Variants in SNRPA1 observed in about 807,000 individuals in gnomAD.
The protein encoded by SNRPA1 is small nuclear ribonucleoprotein polypeptide A'.
Under a neutral mutation model 32.3 loss-of-function variants are expected in SNRPA1, and 5 were observed. That is an observed-to-expected ratio of 0.15 (90% confidence interval 0.08 to 0.33). SNRPA1 has a LOEUF of 0.33. Among genes scored for constraint, SNRPA1 ranks in the 10% least tolerant of loss-of-function variants. SNRPA1 has a pLI of 1.00. For synonymous variants in SNRPA1, 111 were observed against 120.1 expected, an observed-to-expected ratio of 0.92 and a Z score of 0.50; for missense variants, 198 against 311.1, an observed-to-expected ratio of 0.64 and a Z score of 2.74.
intron 1 of SNRPA1, among the ~76,000 whole-genome samples, chr15:101,294,553 T>C (rs1236524413): frequency 6.6e-6 from 1 of 152,130 alleles, no homozygotes; most frequent in Non-Finnish European, 1.5e-5. Context: ...GGTGACACAG[T>C]TCAATTTTTA....
At chr15:101,290,039 T>C (rs8037809) in intron 3 of SNRPA1, 34,534 of 151,332 alleles carry the variant, frequency 0.23, 5,079 homozygotes, top group Non-Finnish European at 0.33. Flanking sequence ...ATCATGCATA[T>C]AACTAACCAA....
chr15:101,291,013 T>A (rs1343215373), intron 3 of SNRPA1, among the ~76,000 whole-genome samples: 1 of 152,150 alleles, frequency 6.6e-6, no homozygotes, highest in Non-Finnish European at 1.5e-5. Context: ...GTGCTGGGAT[T>A]ACAGGCATGA....
At position 101,287,589 on chromosome 15, in the gene SNRPA1, G is replaced by C. The variant is rs892850994; in HGVS notation, c.356+67C>G. 3.7e-6 allele frequency: 5 copies of C among 1,336,036 alleles called. No homozygotes were observed. The African/African-American group carries it at 7.2e-5, about 19-fold the overall frequency. 82.8% of individuals were successfully genotyped at this position (1,336,036 alleles called of 1,614,324 possible). ...TTTTTAATTATCTGATTACATTAAG[G>C]TCAAGGCTGGTAAAAGTAATGTTAT... On this transcript the variant is annotated intron_variant, in intron 4 of 8. Transcript: ENST00000254193.
intron 4 of SNRPA1, among the ~76,000 whole-genome samples, 175 bp from the exon 5 acceptor site, chr15:101,287,185 C>A (rs756224529): frequency 9.2e-5 from 14 of 151,640 alleles, no homozygotes; most frequent in Non-Finnish European, 1.8e-4. Flanking sequence ...GTAAAAGGCA[C>A]TTTTTTTTTA....
chr15:101,289,643 C>A (rs1306043246), intron 3 of SNRPA1, among the ~76,000 whole-genome samples: 1 of 151,920 alleles, frequency 6.6e-6, no homozygotes, highest in Non-Finnish European at 1.5e-5. Context: ...TAAAAAATTC[C>A]AACCAGAGCT....
Position 101,286,011 on chromosome 15 carries a change from T to C in SNRPA1, c.539+203A>G, listed in dbSNP as rs1016659768. 232 of 631,324 alleles carry C rather than the reference T, an allele frequency of 3.7e-4. 1 individual carries two copies. The African/African-American group carries it at 3.8e-3, about 10-fold the overall frequency. The allele number at this position is 631,324 out of a possible 1,614,324, so 39.1% of individuals were successfully genotyped here. A position where few individuals can be genotyped will look rare whatever the true frequency, so the allele number is the denominator to read the frequency against. ...TACATGGTATCACATGAAGACTGAC[T>C]ACTGAAATATTTGCTCTGCTAAGCT... is the stretch of plus-strand genomic sequence containing the variant. On this transcript the variant is annotated intron_variant, in intron 6 of 8. Transcript: ENST00000254193.
Position 101,283,877 on chromosome 15 carries a change from T to C in SNRPA1, c.709+1090A>G, listed in dbSNP as rs576081796. Among the ~76,000 whole-genome samples the C allele has an allele frequency of 3.9e-5, 6 of 152,242 alleles. No individual in the cohort carries two copies. The South Asian group carries it at 1.2e-3, about 32-fold the overall frequency. ...ATCGCTTGAACCCGGGAGGCGGAGG[T>C]TGGCGTGAGCCGAGATCGCGCCACT... On this transcript the variant is annotated intron_variant, in intron 8 of 8. Coordinates refer to ENST00000254193, the MANE Select transcript of SNRPA1 (RefSeq NM_003090.4).
intron 3 of SNRPA1, among the ~76,000 whole-genome samples, chr15:101,290,729 C>T (rs957783001): frequency 2.0e-5 from 3 of 150,102 alleles, no homozygotes; most frequent in African/African-American, 5.0e-5. Flanking sequence ...ATGCACGCTA[C>T]CACTTTTGGC....
chr15:101,293,985 G>T (rs944887386), intron 1 of SNRPA1, among the ~76,000 whole-genome samples: 3 of 152,368 alleles, frequency 2.0e-5, no homozygotes, highest in African/African-American at 7.2e-5. Context: ...TGTAATCCCA[G>T]CACTTCGGGA....
Position 101,286,265 on chromosome 15 carries a change from T to G in SNRPA1, c.488A>C (p.Lys163Thr). Residue 163 changes from lysine (K) to threonine (T), a missense_variant, in exon 6 of 9, where the codon AAG (lysine) becomes ACG (threonine). This residue lies in a region of SNRPA1 where 77 missense variants were observed against 120.1 expected (regional missense o/e 0.64). Transcript: ENST00000254193. Reference protein sequence around the residue: ...KERQEAEKMFKGKRGAQLAKD... With the variant: ...KERQEAEKMFTGKRGAQLAKD... ...TGCAAGCTGTGCACCCCGTTTGCCC[T>G]TGAACATTTTCTCTGCTTCCTGACG... is the stretch of plus-strand genomic sequence containing the variant. The G allele has an allele frequency of 6.2e-7, 1 of 1,614,184 alleles. No individual in the cohort carries two copies. Among genetic ancestry groups the G allele is most frequent in the East Asian group, 2.2e-5 (1 of 44,880 alleles).
At chr15:101,293,314 G>A (rs947628297) in intron 1 of SNRPA1, 142 bp from the exon 2 acceptor site, 1 of 533,106 alleles carries the variant, frequency 1.9e-6, no homozygotes, top group Non-Finnish European at 3.3e-6. Flanking sequence ...GTCGGGTCAC[G>A]CATGACTTGC....
At position 101,286,917 on chromosome 15, in the gene SNRPA1, C is replaced by T. The variant is rs1481998391; in HGVS notation, c.450G>A (p.Val150=). 2.6e-6 allele frequency: 4 copies of T among 1,553,532 alleles called. No homozygotes were observed. The African/African-American group carries it at 5.4e-5, about 21-fold the overall frequency. ...PQVRVLDFQK[V]KLKERQEAEK... is the part of the protein sequence containing the mutation. The stretch of plus-strand genomic sequence containing the variant: ...ACAGATTACTACTTACTTTTAGTTT[C>T]ACTTTCTGGAAATCCAGTACTCTGA... The change falls in exon 5 of 9, where the codon GTG becomes GTA. Residue 150 remains valine (V), a synonymous_variant. Transcript: ENST00000254193.
intron 1 of SNRPA1, among the ~76,000 whole-genome samples, chr15:101,294,206 A>G (rs2039560860): frequency 6.6e-6 from 1 of 152,248 alleles, no homozygotes; most frequent in Non-Finnish European, 1.5e-5. Context: ...ACTGCGCTCC[A>G]GCTGGGGCGG....
chr15:101,285,081 G>C, intron 7 of SNRPA1, 21 bp from the exon 8 acceptor site: 1 of 1,558,104 alleles, frequency 6.4e-7, no homozygotes, highest in Non-Finnish European at 8.9e-7. Context: ...GAGGGCAATG[G>C]AGATGGATGA....
Position 101,292,051 on chromosome 15 carries a change from AAT to A in SNRPA1, c.231-13_231-12del, listed in dbSNP as rs2039532160. ...CCCTCACCTATACGGCTAAAATAAA[AAT>A]AGAGTCTTAGTAAAAGTGAAAATTA... On this transcript the variant is annotated splice_polypyrimidine_tract_variant and intron_variant, in intron 2 of 8. Transcript: ENST00000254193. 6.3e-7 allele frequency: 1 copy of A among 1,586,670 alleles called. No individual in the cohort carries two copies. Among genetic ancestry groups the A allele is most frequent in the Non-Finnish European group, 8.7e-7 (1 of 1,155,518 alleles).
At chr15:101,291,391 T>G (rs540373216) in intron 3 of SNRPA1, among the ~76,000 whole-genome samples, 8 of 152,228 alleles carry the variant, frequency 5.3e-5, no homozygotes, top group Non-Finnish European at 8.8e-5. Flanking sequence ...ATATCAGATA[T>G]GTAATCTAAA....
In SNRPA1 at chr15:101,284,957, A is replaced by C. The variant is rs371993041; in HGVS notation, c.709+10T>G. 3.1e-6 allele frequency: 5 copies of C among 1,602,138 alleles called. No homozygotes were observed. The highest frequency in any genetic ancestry group is 2.7e-5 in the African/African-American group (2 of 74,700). Reference sequence around the variant, plus strand: ...TTAATTTGAACATACAAAGAACACCATTTGTTCACCTGATCTGCGTTCTCT... The same window carrying C: ...TTAATTTGAACATACAAAGAACACCCTTTGTTCACCTGATCTGCGTTCTCT... On this transcript the variant is annotated intron_variant, in intron 8 of 8. Coordinates refer to ENST00000254193, the MANE Select transcript of SNRPA1 (RefSeq NM_003090.4).
intron 1 of SNRPA1, among the ~76,000 whole-genome samples, chr15:101,294,394 T>C (rs2039563138): frequency 6.6e-6 from 1 of 152,154 alleles, no homozygotes; most frequent in Non-Finnish European, 1.5e-5. Flanking sequence ...CTCTATCACG[T>C]CCCTTTTAAA....
chr15:101,286,817 C>A, intron 5 of SNRPA1, 91 bp downstream of exon 5: 1 of 645,826 alleles, frequency 1.5e-6, no homozygotes, highest in Non-Finnish European at 2.7e-6. Context: ...GTAAAATTTA[C>A]TCATTTAGAC....
Sources: gnomAD v4.1 joint callset for allele counts (sites outside exome capture counted in the v4.1 genomes callset) on GRCh38, gnomAD v4.1.1 for gene constraint, gnomAD v4.1.1 regional missense constraint, MANE v1.5 for transcripts, NCBI Gene and HGNC (gene_info 2026-07-23, HGNC 2026-07-21) for gene names.